KCNG1: variants seen among roughly 807,000 people sequenced by gnomAD.
KCNG1 encodes the protein potassium voltage-gated channel modifier subfamily G member 1, also known as voltage-gated potassium channel regulatory subunit KCNG1.
A neutral mutation model predicts 32.4 loss-of-function variants in KCNG1; 17 were observed. The ratio of observed to expected loss-of-function variants is 0.52; its 90% CI spans 0.36 to 0.79. The LOEUF (loss-of-function observed/expected upper bound fraction) is 0.79. Ranked by LOEUF, KCNG1 falls within the 30% of genes least tolerant of loss-of-function variation. The pLI is 0.00. For missense variants in KCNG1, 441 were observed against 735.2 expected (o/e 0.60, Z 4.63); for synonymous variants, 358 against 339.9 (o/e 1.05, Z -0.59).
At chr20:51,020,864 C>T (rs377162906) in intron 1 of KCNG1, among the ~76,000 whole-genome samples, 21 of 152,334 alleles carry the variant, frequency 1.4e-4, no homozygotes, top group African/African-American at 5.1e-4. Flanking sequence ...CCTCCCTCAC[C>T]TCTTGCCAGA....
At chr20:51,012,150 A>G (rs1181921387) in intron 1 of KCNG1, among the ~76,000 whole-genome samples, 1 of 152,234 alleles carries the variant, frequency 6.6e-6, no homozygotes, top group Non-Finnish European at 1.5e-5. Context: ...GAAAACAGAT[A>G]CCACTTGCCA....
At chr20:51,016,787 G>A (rs537821253) in intron 1 of KCNG1, among the ~76,000 whole-genome samples, 5 of 152,284 alleles carry the variant, frequency 3.3e-5, no homozygotes, top group Admixed American at 6.5e-5. Context: ...ATTAGAGTCC[G>A]CTGCCCCCCT....
intron 1 of KCNG1, among the ~76,000 whole-genome samples, chr20:51,017,083 A>T (rs1218941119): frequency 6.6e-6 from 1 of 152,212 alleles, no homozygotes; most frequent in Non-Finnish European, 1.5e-5. Flanking sequence ...GCTTCTGGGG[A>T]ACCAGATGGA....
intron 1 of KCNG1, among the ~76,000 whole-genome samples, chr20:51,022,360 A>T (rs1406669906): frequency 2.0e-5 from 3 of 152,170 alleles, no homozygotes; most frequent in Admixed American, 6.5e-5. Context: ...CAGTATCCCC[A>T]GTGCCTAGCA....
intron 1 of KCNG1, among the ~76,000 whole-genome samples, chr20:51,010,926 AC>A (rs11467450): frequency 0.06 from 572 of 9,566 alleles, 4 homozygotes; most frequent in East Asian, 0.18. Flanking sequence ...ACAAAACAAA[AC>A]AAAAAAAAAA....
intron 1 of KCNG1, chr20:51,012,350 G>C (rs966961546): frequency 2.6e-5 from 4 of 152,176 alleles, no homozygotes; most frequent in Non-Finnish European, 5.9e-5. Flanking sequence ...CCGTCTTCAC[G>C]GCACTTACCA....
chr20:51,020,395 G>A (rs1988434908), intron 1 of KCNG1, among the ~76,000 whole-genome samples: 1 of 152,108 alleles, frequency 6.6e-6, no homozygotes, highest in Non-Finnish European at 1.5e-5. Context: ...TGCCCGGGGA[G>A]GTGTGGGTAT....
chr20:51,020,727 G>A (rs1268327288), intron 1 of KCNG1, among the ~76,000 whole-genome samples: 1 of 152,126 alleles, frequency 6.6e-6, no homozygotes, highest in Non-Finnish European at 1.5e-5. Flanking sequence ...TGGAAAGCAG[G>A]GTGGAGAAAG....
chr20:51,013,638 T>G (rs1483304601), intron 1 of KCNG1: 1 of 152,154 alleles, frequency 6.6e-6, no homozygotes, highest in African/African-American at 2.4e-5. Context: ...AGGCTACAAT[T>G]GCAGAGATCA....
At chr20:51,012,736 G>A (rs1322707743) in intron 1 of KCNG1, among the ~76,000 whole-genome samples, 1 of 152,158 alleles carries the variant, frequency 6.6e-6, no homozygotes, top group Non-Finnish European at 1.5e-5. Flanking sequence ...CATATCCTTG[G>A]CTTCTTTTAA....
At chr20:51,010,924 AAAC>A (rs148316957) in intron 1 of KCNG1, among the ~76,000 whole-genome samples, 73,589 of 118,932 alleles carry the variant, frequency 0.62, 20,541 homozygotes, top group African/African-American at 0.8. Flanking sequence ...AAACAAAACA[AAAC>A]AAAAAAAAAA....
At position 51,005,043 on chromosome 20, in the gene KCNG1, G is replaced by T; in HGVS notation, c.775-237C>A. ...GCCCCCACCTCAGCCCTGAACTCCA[G>T]ACCCCCAACAGGCTGCCTCCCTGAC... On this transcript the variant is annotated intron_variant, in intron 2 of 2. Transcript: ENST00000371571. This position sits in a 1 kb window ranked among gnomAD's most constrained non-coding sequence, Gnocchi z 4.0. 2.4e-6 allele frequency: 1 copy of T among 418,996 alleles called. No homozygotes were observed. The highest frequency in any genetic ancestry group is 5.9e-4 in the Middle Eastern group (1 of 1,684). The allele number at this position is 418,996 out of a possible 1,614,324, so 26.0% of individuals were successfully genotyped here. A position where few individuals can be genotyped will look rare whatever the true frequency, so the allele number is the denominator to read the frequency against.
Position 51,004,545 on chromosome 20 carries a change from G to A in KCNG1, c.1036C>T (p.Arg346Trp). ...ATCACGTACAGGATGCGCAGCGCCCGCAGCACGCGCAGCACCAGCCCCACC... is the reference window on the plus strand; with the variant it reads ...ATCACGTACAGGATGCGCAGCGCCCACAGCACGCGCAGCACCAGCCCCACC... ...DKVGLVLRVLRALRILYVMRL... is the reference protein window; with the variant it reads ...DKVGLVLRVLWALRILYVMRL... Residue 346 changes from arginine to tryptophan, a missense_variant, in exon 3 of 3, where the codon CGG (arginine) becomes TGG (tryptophan). Arg to Trp is a moderately radical substitution (Grantham distance 101, BLOSUM62 -3). This residue lies in a region of KCNG1 where 169 missense variants were observed against 297.7 expected (regional missense o/e 0.57). Transcript: ENST00000371571. The surrounding 1 kb of genome is among the most constrained non-coding windows in gnomAD (Gnocchi z 4.3). 1 of 1,582,710 alleles carries A rather than the reference G, an allele frequency of 6.3e-7. No homozygotes were observed. Among genetic ancestry groups the A allele is most frequent in the Non-Finnish European group, 8.6e-7 (1 of 1,165,278 alleles).
rs757228703 is a variant in KCNG1 at position 51,009,981 on chromosome 20, T to G, written c.358A>C (p.Asn120His). 6 of 1,613,886 alleles carry G rather than the reference T, an allele frequency of 3.7e-6. No individual in the cohort carries two copies. Among genetic ancestry groups the G allele is most frequent in the Non-Finnish European group, 4.2e-6 (5 of 1,179,998 alleles). Residue 120 changes from asparagine (N) to histidine (H), a missense_variant, in exon 2 of 3, where the codon AAC becomes CAC. Transcript: ENST00000371571. The stretch of plus-strand genomic sequence containing the variant: ...AGGATAGTGCCGAAGGCCCCCGGGT[T>G]GCGGTCGAAGAAGAACTCGTTGCAG... The part of the protein sequence containing the change: ...VTCNEFFFDR[N>H]PGAFGTILTF...
intron 2 of KCNG1, among the ~76,000 whole-genome samples, chr20:51,007,608 C>A (rs6020905): frequency 0.77 from 117,719 of 152,104 alleles, 46,377 homozygotes; most frequent in Middle Eastern, 0.87. Flanking sequence ...ACTTCCTCCA[C>A]ATACATAAGT....
Position 51,004,615 on chromosome 20 carries a change from G to A in KCNG1, c.966C>T (p.Ala322=), listed in dbSNP as rs1324160475. ...YYITLLVDGA[A]AGRRKPGAGN... The stretch of plus-strand genomic sequence containing the variant: ...CCGCGCCGGGCTTGCGACGGCCTGC[G>A]GCGGCGCCGTCCACCAGCAGCGTGA... Residue 322 remains alanine, a synonymous_variant, in exon 3 of 3, where the codon GCC becomes GCT. Coordinates refer to ENST00000371571, the MANE Select transcript of KCNG1 (RefSeq NM_002237.4). The surrounding 1 kb of genome is among the most constrained non-coding windows in gnomAD (Gnocchi z 4.3). The A allele has an allele frequency of 5.7e-6, 9 of 1,586,584 alleles. No individual in the cohort carries two copies. Among genetic ancestry groups the A allele is most frequent in the Admixed American group, 3.6e-5 (2 of 56,042 alleles).
chr20:51,004,205 A>T lies in KCNG1; in HGVS notation c.1376T>A (p.Ile459Asn). ...ILLMAFPVTS[I>N]FHTFSRSYLE... Reference sequence around the variant, plus strand: ...GTAGGAGCGGGAGAAGGTGTGGAAGATGGAGGTGACTGGGAAGGCCATGAG... The same window carrying T: ...GTAGGAGCGGGAGAAGGTGTGGAAGTTGGAGGTGACTGGGAAGGCCATGAG... The change falls in exon 3 of 3, where the codon ATC becomes AAC. Residue 459 changes from isoleucine (I) to asparagine (N), a missense_variant. Physicochemically the swap from Ile to Asn is moderately radical, Grantham distance 149. Around this residue, in one of 6 missense-constraint regions of KCNG1, gnomAD observed 53 missense variants for 79.1 expected, o/e 0.67. Coordinates refer to ENST00000371571, the MANE Select transcript of KCNG1 (RefSeq NM_002237.4). The surrounding 1 kb of genome is among the most constrained non-coding windows in gnomAD (Gnocchi z 4.3). The T allele has an allele frequency of 6.2e-7, 1 of 1,614,054 alleles. No individual in the cohort carries two copies. Among genetic ancestry groups the T allele is most frequent in the Non-Finnish European group, 8.5e-7 (1 of 1,180,004 alleles).
In KCNG1 at chr20:51,003,926, G is replaced by C. The variant is rs1205481114; in HGVS notation, c.*113C>G. 5 of 1,209,896 alleles carry C rather than the reference G, an allele frequency of 4.1e-6. No individual in the cohort carries two copies. The highest frequency in any genetic ancestry group is 2.8e-4 in the Middle Eastern group (1 of 3,566). 74.9% of individuals were successfully genotyped at this position (1,209,896 alleles called of 1,614,324 possible). A position where few individuals can be genotyped will look rare whatever the true frequency, so the allele number is the denominator to read the frequency against. On this transcript the variant is annotated 3_prime_UTR_variant, in exon 3 of 3. Coordinates refer to ENST00000371571, the MANE Select transcript of KCNG1 (RefSeq NM_002237.4). ...GTCCTTCCCCGGGTGCGTGGGAGTC[G>C]GTGCTGCGCCAGGACTGCACTCGGA...
At chr20:51,016,884 G>C (rs1490898568) in intron 1 of KCNG1, among the ~76,000 whole-genome samples, 2 of 152,186 alleles carry the variant, frequency 1.3e-5, no homozygotes, top group Non-Finnish European at 2.9e-5. Flanking sequence ...CCAATTGCTA[G>C]AGGGTATGCG....
Sources: allele counts gnomAD v4.1 joint callset (sites outside exome capture counted in the v4.1 genomes callset), GRCh38; gene constraint gnomAD v4.1.1; regional missense constraint gnomAD v4.1.1; non-coding constraint Gnocchi (gnomAD v3.1); transcripts MANE v1.5; gene names NCBI Gene and HGNC (gene_info 2026-07-23, HGNC 2026-07-21).